WASHC2C: variants seen among roughly 807,000 people sequenced by gnomAD.
WASHC2C encodes Vaccinia Penetration Factor.
WASHC2C carries 73 observed loss-of-function variants against 142.2 expected under a neutral mutation model. That is an observed-to-expected ratio of 0.51 (90% CI 0.43 to 0.62). The LOEUF is 0.62. Ranked by LOEUF, WASHC2C falls within the 20% of genes least tolerant of loss-of-function variation. The probability of loss-of-function intolerance (pLI) is 0.00; values close to 1 mark genes in which losing one functional copy is unlikely to be tolerated. For synonymous variants in WASHC2C, 337 were observed against 565.5 expected (o/e 0.60, Z 5.73); for missense variants, 969 against 1,531.7 (o/e 0.63, Z 6.13).
chr10:45,728,300 A>T (rs1189409305), intron 2 of WASHC2C, among the ~76,000 whole-genome samples: 4 of 152,162 alleles, frequency 2.6e-5, no homozygotes, highest in Non-Finnish European at 5.9e-5. Context: ...AAAGTGTTGG[A>T]TTACAAGCGT....
At chr10:45,754,376 T>C in intron 13 of WASHC2C, 110 bp from the exon 14 acceptor site, 31 of 1,570,014 alleles carry the variant, frequency 2.0e-5, no homozygotes, top group Non-Finnish European at 2.6e-5. Flanking sequence ...AAAAGTAGTT[T>C]CAAAAGGTCT....
rs2052394433 is a variant in WASHC2C, at chr10:45,743,412, T to G, written c.551T>G (p.Leu184Ter). Reference protein sequence around the residue: ...EPKDLYIDRPLPYLIGSKLFM... With the variant: ...EPKDLYIDRP ...CAGGATCTATACATTGATCGTCCTT[T>G]ACCATATCTCATTGGGTCAAAGCTG... The change falls in exon 6 of 31, where the codon TTA (leucine) becomes TGA (stop). Residue 184 changes from leucine to a stop codon, truncating the protein, a stop_gained. Coordinates refer to ENST00000623400, the MANE Select transcript of WASHC2C (RefSeq NM_001330074.2). LOFTEE classifies it high-confidence loss of function. 6.2e-7 allele frequency: 1 copy of G among 1,611,944 alleles called. No homozygotes were observed. The highest frequency in any genetic ancestry group is 8.5e-7 in the Non-Finnish European group (1 of 1,179,840).
In WASHC2C at chr10:45,761,355, G is replaced by A. The variant is rs1430121003; in HGVS notation, c.1635+1954G>A. On this transcript the variant is annotated intron_variant, in intron 17 of 30. Transcript: ENST00000623400. Reference sequence around the variant, plus strand: ...CTGTGTTCCAGCCTTGGAAGTCAACGGTGGTCCTTTTCCTTCATTTGTTGG... The same window carrying A: ...CTGTGTTCCAGCCTTGGAAGTCAACAGTGGTCCTTTTCCTTCATTTGTTGG... Among the ~76,000 whole-genome samples, 8 of 152,292 alleles carry A rather than the reference G, an allele frequency of 5.3e-5. No individual in the cohort carries two copies. The East Asian group carries it at 5.8e-4, about 11-fold the overall frequency.
intron 16 of WASHC2C, among the ~76,000 whole-genome samples, chr10:45,758,955 G>A (rs1431315337): frequency 4.0e-5 from 6 of 151,234 alleles, no homozygotes; most frequent in African/African-American, 9.7e-5. Flanking sequence ...TTGTCTCTTT[G>A]TGTCATGTCC....
chr10:45,785,430 G>C, intron 25 of WASHC2C, 79 bp from the exon 26 acceptor site: 3 of 1,571,600 alleles, frequency 1.9e-6, no homozygotes, highest in Non-Finnish European at 2.6e-6. Flanking sequence ...CAGAAGCCAG[G>C]ATTGTTTTTT....
At chr10:45,742,999 C>T (rs1413328975) in intron 5 of WASHC2C, among the ~76,000 whole-genome samples, 3 of 151,796 alleles carry the variant, frequency 2.0e-5, no homozygotes, top group Non-Finnish European at 2.9e-5. Flanking sequence ...CTCAGCCTCC[C>T]GAGTAGCTAG....
chr10:45,787,240 C>T lies in WASHC2C; in HGVS notation c.3080C>T (p.Ala1027Val), dbSNP rs2058107177. The T allele has an allele frequency of 6.9e-7, 1 of 1,440,962 alleles. No homozygotes were observed. The highest frequency in any genetic ancestry group is 9.5e-7 in the Non-Finnish European group (1 of 1,050,890). The allele number at this position is 1,440,962 out of a possible 1,614,324, so 89.3% of individuals were successfully genotyped here. The change falls in exon 28 of 31, where the codon GCA becomes GTA. Residue 1027 changes from alanine (A) to valine (V), a missense_variant. Coordinates refer to ENST00000623400, the MANE Select transcript of WASHC2C (RefSeq NM_001330074.2). ...GCTCAGGCAGACACCTTACACAGTG[C>T]AAACAAGGTGATGAAACCATCTTTG... ...LPAQADTLHS[A>V]NKSRVKMRGK...
At chr10:45,729,246 T>A (rs2050262742) in intron 3 of WASHC2C, among the ~76,000 whole-genome samples, 1 of 152,232 alleles carries the variant, frequency 6.6e-6, no homozygotes, top group South Asian at 2.1e-4. Context: ...TTTCTTATAC[T>A]TCAGTGCTTC....
At chr10:45,761,476 T>C (rs1168664997) in intron 17 of WASHC2C, among the ~76,000 whole-genome samples, 5 of 152,230 alleles carry the variant, frequency 3.3e-5, no homozygotes, top group Admixed American at 1.3e-4. Context: ...CAGACTTGTG[T>C]GAAAACCCTA....
intron 30 of WASHC2C, 120 bp from the exon 31 acceptor site, chr10:45,792,141 T>G (rs2058430323): frequency 9.2e-7 from 1 of 1,092,540 alleles, no homozygotes; most frequent in Non-Finnish European, 1.3e-6. Context: ...TCTAGGTTAG[T>G]GTTTTAGGGT....
chr10:45,792,312 G>T lies in WASHC2C; in HGVS notation c.3938G>T (p.Arg1313Leu). ...GCTAAGACAACCAAACCAAAAAGCC[G>T]ATCTGCACAGGCCGCACCTGAACCA... Reference protein sequence around the residue: ...IQAKTTKPKSRSAQAAPEPRF... With the variant: ...IQAKTTKPKSLSAQAAPEPRF... Residue 1313 changes from arginine to leucine, a missense_variant, in exon 31 of 31, where the codon CGA (arginine) becomes CTA (leucine). Physicochemically the swap from Arg to Leu is moderately radical, Grantham distance 102. Coordinates refer to ENST00000623400, the MANE Select transcript of WASHC2C (RefSeq NM_001330074.2). 9 of 1,559,924 alleles carry T rather than the reference G, an allele frequency of 5.8e-6. 2 individuals are homozygous for T. Among genetic ancestry groups the T allele is most frequent in the East Asian group, 4.5e-5 (2 of 44,704 alleles).
intron 21 of WASHC2C, among the ~76,000 whole-genome samples, 160 bp from the exon 22 acceptor site, chr10:45,777,113 C>T (rs533390217): frequency 1.3e-5 from 2 of 151,480 alleles, no homozygotes; most frequent in East Asian, 3.9e-4. Flanking sequence ...GTGTTTGTTG[C>T]TTCTCCCTTT....
At chr10:45,784,283 T>TATACAC (rs2057816022) in intron 23 of WASHC2C, among the ~76,000 whole-genome samples, 4 of 8,088 alleles carry the variant, frequency 4.9e-4, no homozygotes, top group East Asian at 0.012. Flanking sequence ...TATATATATA[T>TATACAC]ATATATACAC....
chr10:45,742,204 C>A (rs2052166100), intron 5 of WASHC2C, among the ~76,000 whole-genome samples: 1 of 151,916 alleles, frequency 6.6e-6, no homozygotes, highest in Non-Finnish European at 1.5e-5. Flanking sequence ...TGCCCTCACT[C>A]TGTTTTCTCA....
At chr10:45,755,152 A>G in intron 15 of WASHC2C, 37 bp downstream of exon 15, 1 of 1,567,724 alleles carries the variant, frequency 6.4e-7, no homozygotes, top group Non-Finnish European at 8.6e-7. Flanking sequence ...GACTTCAGCC[A>G]GAAAAAGAAT....
At chr10:45,785,418 C>T (rs2305297) in intron 25 of WASHC2C, 91 bp from the exon 26 acceptor site, 53,639 of 1,521,012 alleles carry the variant, frequency 0.035, 1,076 homozygotes, top group East Asian at 0.081. Flanking sequence ...ATTTTTAAGA[C>T]TCAGAAGCCA....
Position 45,727,442 on chromosome 10 carries a change from A to C in WASHC2C, c.29A>C (p.Glu10Ala). MMNRTTPDQ[E>A]LVPASEPVWE... ...ATGAACCGGACGACCCCCGACCAGG[A>C]GCTGGTGCCGGCGTCGGAGCCCGTG... Residue 10 changes from glutamate to alanine, a missense_variant, in exon 2 of 31, where the codon GAG becomes GCG. Coordinates refer to ENST00000623400, the MANE Select transcript of WASHC2C (RefSeq NM_001330074.2). 1 of 1,611,268 alleles carries C rather than the reference A, an allele frequency of 6.2e-7. No homozygotes were observed. The highest frequency in any genetic ancestry group is 8.5e-7 in the Non-Finnish European group (1 of 1,179,422).
In WASHC2C at chr10:45,766,096, A is replaced by AG. The variant is rs1248240555; in HGVS notation, c.1869+287dup. 5.0e-3 allele frequency among the ~76,000 whole-genome samples: 765 copies of AG among 151,562 alleles called. 1 individual carries two copies. The highest frequency in any genetic ancestry group is 0.017 in the African/African-American group (704 of 41,354). ...GGGAAATGATTTCTCAGCCATCGCTAGTTCATGGTCGAGTCCCTTAGAACA... is the reference window on the plus strand; with the variant it reads ...GGGAAATGATTTCTCAGCCATCGCTAGGTTCATGGTCGAGTCCCTTAGAACA... On this transcript the variant is annotated intron_variant, in intron 19 of 30. Transcript: ENST00000623400.
intron 13 of WASHC2C, among the ~76,000 whole-genome samples, chr10:45,754,132 A>C (rs1474053292): frequency 2.6e-5 from 4 of 152,026 alleles, no homozygotes; most frequent in Non-Finnish European, 4.4e-5. Flanking sequence ...TTCTCATCCA[A>C]CTGGAATGGG....
Sources: gnomAD v4.1 joint callset for allele counts (sites outside exome capture counted in the v4.1 genomes callset) on GRCh38, gnomAD v4.1.1 for gene constraint, MANE v1.5 for transcripts, NCBI Gene and HGNC (gene_info 2026-07-23, HGNC 2026-07-21) for gene names.